Variants in ICE1 observed in about 807,000 individuals in gnomAD.
ICE1 encodes interactor of little elongation complex ELL subunit 1.
In ICE1, 64 loss-of-function variants were observed where a neutral mutation model predicts 192.7. The observed-to-expected ratio is 0.33, with a 90% CI of 0.27 to 0.41. The LOEUF (loss-of-function observed/expected upper bound fraction) is 0.41. ICE1 is among the 10% of genes least tolerant of loss of function. The probability of loss-of-function intolerance (pLI) is 1.00; values close to 1 mark genes in which losing one functional copy is unlikely to be tolerated. For missense variants in ICE1, 2,708 were observed against 2,696.0 expected, an observed-to-expected ratio of 1.00 and a Z score of -0.10; for synonymous variants, 1,010 against 984.5, an observed-to-expected ratio of 1.03 and a Z score of -0.49.
In ICE1 at chr5:5,422,837, C is replaced by A; in HGVS notation, c.-79C>A. 9.3e-7 allele frequency: 1 copy of A among 1,077,364 alleles called. No individual in the cohort carries two copies. The highest frequency in any genetic ancestry group is 1.2e-6 in the Non-Finnish European group (1 of 848,612). 66.7% of individuals were successfully genotyped at this position (1,077,364 alleles called of 1,614,324 possible). A position where few individuals can be genotyped will look rare whatever the true frequency, so the allele number is the denominator to read the frequency against. The stretch of plus-strand genomic sequence containing the variant: ...GCGGCCTGGCAGGCGGCGGCCCCGG[C>A]GGCATCAGCAGAGACAGGACGGGGC... On this transcript the variant is annotated 5_prime_UTR_variant, in exon 1 of 19. Coordinates refer to ENST00000296564, the MANE Select transcript of ICE1 (RefSeq NM_015325.3).
intron 14 of ICE1, among the ~76,000 whole-genome samples, chr5:5,466,801 A>G (rs534844017): frequency 6.6e-6 from 1 of 152,304 alleles, no homozygotes; most frequent in African/African-American, 2.4e-5. Context: ...GGATACTTTA[A>G]AGTAAGTGAC....
intron 3 of ICE1, 112 bp downstream of exon 3, chr5:5,437,226 GGC>G (rs1737894832): frequency 1.4e-6 from 1 of 724,972 alleles, no homozygotes; most frequent in Non-Finnish European, 2.4e-6. Flanking sequence ...GTACTTAACA[GGC>G]TTCAGTAGGG....
intron 15 of ICE1, among the ~76,000 whole-genome samples, chr5:5,469,971 G>A (rs1739107960): frequency 6.6e-6 from 1 of 152,142 alleles, no homozygotes; most frequent in African/African-American, 2.4e-5. Flanking sequence ...CTTCCGGAGA[G>A]TTACCTGCTT....
rs1344983535 is a variant in ICE1, at chr5:5,462,298, G to A, written c.2964G>A (p.Gln988=). 6.2e-7 allele frequency: 1 copy of A among 1,613,900 alleles called. No individual in the cohort carries two copies. ...QGDGQKQRQP[Q]ATDLDSSGTH... ...ATGGGCAGAAGCAAAGGCAGCCTCA[G>A]GCCACAGATCTGGACTCCAGTGGGA... Residue 988 remains glutamine (Q), a synonymous_variant, in exon 13 of 19, where the codon CAG becomes CAA. Transcript: ENST00000296564.
intron 16 of ICE1, 45 bp downstream of exon 16, chr5:5,473,793 T>G (rs1017677986): frequency 1.5e-6 from 2 of 1,351,602 alleles, no homozygotes; most frequent in Non-Finnish European, 2.0e-6. Context: ...TATTGTAAGG[T>G]TGAATTGTTG....
chr5:5,448,659 AT>A (rs976354313), intron 10 of ICE1, among the ~76,000 whole-genome samples: 5 of 138,234 alleles, frequency 3.6e-5, no homozygotes. Flanking sequence ...CTAATGTGTT[AT>A]TTTTTTCTCC....
chr5:5,462,528 G>A lies in ICE1; in HGVS notation c.3194G>A (p.Gly1065Asp), dbSNP rs1454316688. 6.2e-7 allele frequency: 1 copy of A among 1,613,974 alleles called. No individual in the cohort carries two copies. Among genetic ancestry groups the A allele is most frequent in the East Asian group, 2.2e-5 (1 of 44,884 alleles). ...TPGGALPECF[G>D]TTDTTFSSAF... ...GGTGGTGCTTTGCCTGAGTGTTTTG[G>A]CACCACAGACACTACTTTTTCTTCA... Residue 1065 changes from glycine to aspartate, a missense_variant, in exon 13 of 19, where the codon GGC becomes GAC. By Grantham distance (94) the Gly-to-Asp change is moderately conservative (BLOSUM62 -1). Transcript: ENST00000296564.
chr5:5,476,006 A>G lies in ICE1; in HGVS notation c.6447A>G (p.Ile2149Met). 1.2e-6 allele frequency: 2 copies of G among 1,611,860 alleles called. No homozygotes were observed. Among genetic ancestry groups the G allele is most frequent in the Non-Finnish European group, 1.7e-6 (2 of 1,178,526 alleles). ...KELWPVMDKW[I>M]KYRKGHANIA... is the part of the protein sequence containing the mutation. ...TGTGGCCTGTGATGGATAAATGGAT[A>G]AAATACAGAAAAGGACATGCAAACA... The change falls in exon 17 of 19, where the codon ATA becomes ATG. Residue 2149 changes from isoleucine (I) to methionine (M), a missense_variant. Physicochemically the swap from Ile to Met is conservative, Grantham distance 10 (BLOSUM62 1). This residue lies in a region of ICE1 where 342 missense variants were observed against 419.3 expected (regional missense o/e 0.82). Coordinates refer to ENST00000296564, the MANE Select transcript of ICE1 (RefSeq NM_015325.3).
At chr5:5,485,424 C>T (rs1653331860) in intron 17 of ICE1, among the ~76,000 whole-genome samples, 1 of 152,004 alleles carries the variant, frequency 6.6e-6, no homozygotes, top group African/African-American at 2.4e-5. Flanking sequence ...TTTTCATATC[C>T]GTAAGACTGA....
At chr5:5,442,429 A>G (rs1285088459) in intron 5 of ICE1, among the ~76,000 whole-genome samples, 3 of 152,242 alleles carry the variant, frequency 2.0e-5, no homozygotes, top group East Asian at 1.9e-4. Context: ...TATGCTGTCA[A>G]AGTTAAACAG....
At chr5:5,440,993 A>G in intron 4 of ICE1, 119 bp from the exon 5 acceptor site, 1 of 624,996 alleles carries the variant, frequency 1.6e-6, no homozygotes, top group Non-Finnish European at 2.8e-6. Flanking sequence ...GCATTTAAAA[A>G]GACTTTTTCA....
intron 12 of ICE1, among the ~76,000 whole-genome samples, chr5:5,459,819 G>A (rs534844465): frequency 5.9e-5 from 9 of 152,272 alleles, no homozygotes; most frequent in Non-Finnish European, 7.4e-5. Context: ...GAGACGAGTT[G>A]GGGGTCAGGG....
chr5:5,481,238 G>A (rs377158703), intron 17 of ICE1, among the ~76,000 whole-genome samples: 33 of 152,180 alleles, frequency 2.2e-4, no homozygotes, highest in African/African-American at 6.3e-4. Context: ...ATAATCTGTG[G>A]AATTTTCAAA....
chr5:5,473,835 C>T (rs72646687), intron 16 of ICE1, 87 bp downstream of exon 16: 36 of 971,980 alleles, frequency 3.7e-5, no homozygotes, highest in Non-Finnish European at 5.0e-5. Context: ...TCATTTTTGT[C>T]GTTTAAGTGT....
chr5:5,485,168 C>T (rs1260032117), intron 17 of ICE1, among the ~76,000 whole-genome samples: 1 of 151,992 alleles, frequency 6.6e-6, no homozygotes, highest in Non-Finnish European at 1.5e-5. Flanking sequence ...TTTTGTTACT[C>T]CAGGTTACAT....
In ICE1 at chr5:5,473,839, T is replaced by C; in HGVS notation, c.6413+91T>C. 9.2e-6 allele frequency: 8 copies of C among 874,174 alleles called. No individual in the cohort carries two copies. The South Asian group carries it at 1.5e-4, about 17-fold the overall frequency. 54.2% of individuals were successfully genotyped at this position (874,174 alleles called of 1,614,324 possible). A position where few individuals can be genotyped will look rare whatever the true frequency, so the allele number is the denominator to read the frequency against. The stretch of plus-strand genomic sequence containing the variant: ...TGTGGCTTGAATCATTTTTGTCGTT[T>C]AAGTGTGTAAGGCAGATGAAACATT... On this transcript the variant is annotated intron_variant, in intron 16 of 18. Coordinates refer to ENST00000296564, the MANE Select transcript of ICE1 (RefSeq NM_015325.3).
chr5:5,439,160 T>C (rs1737964292), intron 3 of ICE1, among the ~76,000 whole-genome samples: 1 of 152,196 alleles, frequency 6.6e-6, no homozygotes, highest in Admixed American at 6.5e-5. Context: ...ATGTATTTTA[T>C]TTCATCAGGT....
chr5:5,422,701 C>G lies in ICE1; in HGVS notation c.-215C>G, dbSNP rs1308880006. On this transcript the variant is annotated 5_prime_UTR_variant, in exon 1 of 19. Transcript: ENST00000296564. Reference sequence around the variant, plus strand: ...TGGACTGCGTCGCGCTCGGGGGCCGCGCCGGGTAGCGTTTCTTTTTAGTGC... The same window carrying G: ...TGGACTGCGTCGCGCTCGGGGGCCGGGCCGGGTAGCGTTTCTTTTTAGTGC... 3 of 344,872 alleles carry G rather than the reference C, an allele frequency of 8.7e-6. No homozygotes were observed. The highest frequency in any genetic ancestry group is 1.6e-5 in the Non-Finnish European group (3 of 192,688). The allele number at this position is 344,872 out of a possible 1,614,324, so 21.4% of individuals were successfully genotyped here.
Position 5,463,731 on chromosome 5 carries a change from C to A in ICE1, c.4397C>A (p.Ser1466Tyr). 6.2e-7 allele frequency: 1 copy of A among 1,613,866 alleles called. No individual in the cohort carries two copies. Among genetic ancestry groups the A allele is most frequent in the Non-Finnish European group, 8.5e-7 (1 of 1,179,854 alleles). Reference sequence around the variant, plus strand: ...GAAGCTGGTTGCATCCCAGTGACTTCTGCTGAGAAGTCCCCAGAGGCCAGT... The same window carrying A: ...GAAGCTGGTTGCATCCCAGTGACTTATGCTGAGAAGTCCCCAGAGGCCAGT... ...ELEAGCIPVT[S>Y]AEKSPEASHT... The change falls in exon 13 of 19, where the codon TCT becomes TAT. Residue 1466 changes from serine (S) to tyrosine (Y), a missense_variant. Physicochemically the swap from Ser to Tyr is moderately radical, Grantham distance 144 (BLOSUM62 -2). Around this residue, in one of 2 missense-constraint regions of ICE1, gnomAD observed 2,366 missense variants for 2,276.6 expected, o/e 1.04. Transcript: ENST00000296564.
Sources: gnomAD v4.1 joint callset for allele counts (sites outside exome capture counted in the v4.1 genomes callset) on GRCh38, gnomAD v4.1.1 for gene constraint, gnomAD v4.1.1 regional missense constraint, MANE v1.5 for transcripts, NCBI Gene and HGNC (gene_info 2026-07-23, HGNC 2026-07-21) for gene names.